IPCEF1: variants seen among roughly 807,000 people sequenced by gnomAD.
IPCEF1 encodes the protein interactor protein for cytohesin exchange factors 1.
IPCEF1 carries 31 observed loss-of-function variants against 50.9 expected under a neutral mutation model. The ratio of observed to expected loss-of-function variants is 0.61; its 90% CI spans 0.46 to 0.82. IPCEF1 has a LOEUF of 0.82. Ranked by LOEUF, IPCEF1 falls within the 40% of genes least tolerant of loss-of-function variation. The pLI is 0.00. For synonymous variants in IPCEF1, 181 were observed against 192.0 expected (o/e 0.94, Z 0.47); for missense variants, 458 against 514.0 (o/e 0.89, Z 1.05).
At chr6:154,210,151 G>A (rs1177357711) in intron 9 of IPCEF1, among the ~76,000 whole-genome samples, 16 of 152,184 alleles carry the variant, frequency 1.1e-4, no homozygotes, top group Admixed American at 1.0e-3. Context: ...ACCAGGGAGA[G>A]TTCTAGAAGG....
chr6:154,231,517 C>T (rs972055917), intron 5 of IPCEF1, among the ~76,000 whole-genome samples: 1 of 152,248 alleles, frequency 6.6e-6, no homozygotes, highest in Admixed American at 6.5e-5. Context: ...GTTGAATACA[C>T]TGTGGTATCC....
intron 11 of IPCEF1, among the ~76,000 whole-genome samples, chr6:154,165,696 C>T (rs1487925104): frequency 3.3e-5 from 5 of 152,208 alleles, no homozygotes; most frequent in Non-Finnish European, 7.3e-5. Flanking sequence ...GTGTAATCTC[C>T]TCCCTGAAAA....
Position 154,309,628 on chromosome 6 carries a change from A to AT in IPCEF1, c.-61-19873dup, listed in dbSNP as rs1296016870. On this transcript the variant is annotated intron_variant, in intron 1 of 11. Transcript: ENST00000367220. ...ATTTACTGTCTCTTCTCTGTCCTGT[A>AT]TTTTTTTTCATCTGCCCTGTATCTT... Among the ~76,000 whole-genome samples, 8 of 151,466 alleles carry AT rather than the reference A, an allele frequency of 5.3e-5. No homozygotes were observed. The South Asian group carries it at 1.5e-3, about 28-fold the overall frequency.
chr6:154,311,657 A>G (rs1783080200), intron 1 of IPCEF1, among the ~76,000 whole-genome samples: 1 of 152,234 alleles, frequency 6.6e-6, no homozygotes, highest in Non-Finnish European at 1.5e-5. Flanking sequence ...CCAAAAGAAG[A>G]CATACAAATG....
intron 10 of IPCEF1, among the ~76,000 whole-genome samples, chr6:154,180,347 CATATATAT>C (rs143058126): frequency 7.0e-6 from 1 of 142,106 alleles, no homozygotes; most frequent in Non-Finnish European, 1.5e-5. Flanking sequence ...AGAAAGGAGA[CATATATAT>C]ATATATACTG....
chr6:154,253,658 A>G (rs367745431), intron 3 of IPCEF1, among the ~76,000 whole-genome samples: 2 of 152,218 alleles, frequency 1.3e-5, no homozygotes, highest in East Asian at 3.8e-4. Context: ...GTGGAATTCC[A>G]TGATCATAGG....
intron 10 of IPCEF1, among the ~76,000 whole-genome samples, chr6:154,181,126 A>G (rs12207621): frequency 0.082 from 12,398 of 152,098 alleles, 984 homozygotes; most frequent in East Asian, 0.43. Context: ...AAATTTGACA[A>G]CTCTACAACA....
chr6:154,239,892 G>A (rs1220902356), intron 5 of IPCEF1, among the ~76,000 whole-genome samples: 1 of 152,032 alleles, frequency 6.6e-6, no homozygotes, highest in Admixed American at 6.6e-5. Context: ...TAGTAGAGGG[G>A]GGTTTCACCA....
intron 9 of IPCEF1, among the ~76,000 whole-genome samples, chr6:154,204,946 T>C (rs888614488): frequency 6.6e-6 from 1 of 152,170 alleles, no homozygotes; most frequent in African/African-American, 2.4e-5. Context: ...ACACTGGCCT[T>C]CTTTCTGTCC....
intron 1 of IPCEF1, among the ~76,000 whole-genome samples, chr6:154,320,600 GC>G (rs1783347874): frequency 6.6e-6 from 1 of 152,208 alleles, no homozygotes; most frequent in Non-Finnish European, 1.5e-5. Context: ...AATAAGAAAA[GC>G]TGTTTAAAGC....
chr6:154,163,613 G>C (rs190627916), intron 11 of IPCEF1, among the ~76,000 whole-genome samples: 105 of 152,298 alleles, frequency 6.9e-4, no homozygotes, highest in Non-Finnish European at 1.4e-3. Context: ...CCAAGTGCCT[G>C]AAAGAATGAC....
At chr6:154,198,631 T>TACACAAACACAC (rs145469219) in intron 10 of IPCEF1, among the ~76,000 whole-genome samples, 2 of 146,698 alleles carry the variant, frequency 1.4e-5, no homozygotes, top group African/African-American at 2.5e-5. Context: ...AAATATTACA[T>TACACAAACACAC]ACACACACAC....
Position 154,195,209 on chromosome 6 carries a change from A to G in IPCEF1, c.910+4459T>C, listed in dbSNP as rs113820629. Among the ~76,000 whole-genome samples the G allele has an allele frequency of 3.4e-3, 476 of 140,978 alleles. 4 individuals carry two copies. Among genetic ancestry groups the G allele is most frequent in the African/African-American group, 0.012 (456 of 37,046 alleles). The allele number at this position is 140,978 out of a possible 152,430, so 92.5% of individuals were successfully genotyped here. ...GTCACCCAGGCTGGAGTGCAGTGGC[A>G]CGATCTCGGCTCACTGCAATCTCCG... On this transcript the variant is annotated intron_variant, in intron 10 of 11. Coordinates refer to ENST00000367220, the MANE Select transcript of IPCEF1 (RefSeq NM_001130700.2).
rs183083714 is a variant in IPCEF1 at position 154,215,311 on chromosome 6, T to C, written c.393-1035A>G. Reference sequence around the variant, plus strand: ...GTACCTGTTATTTTTGAATAGAAAATATATAACAAATTCAATGCCGGGAGC... The same window carrying C: ...GTACCTGTTATTTTTGAATAGAAAACATATAACAAATTCAATGCCGGGAGC... On this transcript the variant is annotated intron_variant, in intron 7 of 11. Transcript: ENST00000367220. 1.3e-4 allele frequency among the ~76,000 whole-genome samples: 20 copies of C among 152,034 alleles called. No homozygotes were observed. In the East Asian group the frequency reaches 3.1e-3, roughly 24 times the overall value.
Position 154,329,101 on chromosome 6 carries a change from A to G in IPCEF1, c.-62+27571T>C, listed in dbSNP as rs1783593356. Among the ~76,000 whole-genome samples, 9 of 152,242 alleles carry G rather than the reference A, an allele frequency of 5.9e-5. 1 individual carries two copies. The highest frequency in any genetic ancestry group is 5.9e-4 in the Admixed American group (9 of 15,276). On this transcript the variant is annotated intron_variant, in intron 1 of 11. Transcript: ENST00000367220. ...TCTAATGTTTCCAGGACACAGGAAAAAAAGTTTTTAAATTACATTTTAAAA... is the reference window on the plus strand; with the variant it reads ...TCTAATGTTTCCAGGACACAGGAAAGAAAGTTTTTAAATTACATTTTAAAA...
chr6:154,165,608 A>G (rs1240277192), intron 11 of IPCEF1, among the ~76,000 whole-genome samples: 2 of 152,208 alleles, frequency 1.3e-5, no homozygotes, highest in African/African-American at 4.8e-5. Context: ...GTCCAGAAAG[A>G]GCAGTTCCCT....
In IPCEF1 at chr6:154,159,972, G is replaced by C; in HGVS notation, c.1173C>G (p.Tyr391Ter). ...LDDPKLTARK[Y>*]REWKVMNTLL... ...GGGTGTTCATGACTTTCCACTCTCTGTATTTCCTGGCTGTCAGCTTCGGGT... is the reference window on the plus strand; with the variant it reads ...GGGTGTTCATGACTTTCCACTCTCTCTATTTCCTGGCTGTCAGCTTCGGGT... Residue 391 changes from tyrosine (Y) to a stop codon, truncating the protein, a stop_gained, in exon 12 of 12, where the codon TAC (tyrosine) becomes TAG (stop). Coordinates refer to ENST00000367220, the MANE Select transcript of IPCEF1 (RefSeq NM_001130700.2). LOFTEE classifies it low-confidence loss of function (END_TRUNC). 6.2e-7 allele frequency: 1 copy of C among 1,613,092 alleles called. No individual in the cohort carries two copies. Among genetic ancestry groups the C allele is most frequent in the Non-Finnish European group, 8.5e-7 (1 of 1,179,952 alleles).
chr6:154,348,082 C>T (rs374761886), intron 1 of IPCEF1, among the ~76,000 whole-genome samples: 4 of 152,260 alleles, frequency 2.6e-5, no homozygotes, highest in Non-Finnish European at 5.9e-5. Flanking sequence ...TCTCTCTCCC[C>T]GTGCTGGCTT....
chr6:154,292,955 T>G (rs1782549877), intron 1 of IPCEF1, among the ~76,000 whole-genome samples: 1 of 152,228 alleles, frequency 6.6e-6, no homozygotes, highest in Non-Finnish European at 1.5e-5. Flanking sequence ...TTATGTCACT[T>G]CCTCCTACAT....
Sources: gnomAD v4.1 joint callset for allele counts (sites outside exome capture counted in the v4.1 genomes callset) on GRCh38, gnomAD v4.1.1 for gene constraint, MANE v1.5 for transcripts, NCBI Gene and HGNC (gene_info 2026-07-23, HGNC 2026-07-21) for gene names.